Variants in ANO3 observed in about 807,000 individuals in gnomAD.
ANO3 encodes anoctamin 3, also known as anoctamin-3.
Under a neutral mutation model 144.8 loss-of-function variants are expected in ANO3, and 99 were observed. That is an observed-to-expected ratio of 0.68 (90% confidence interval 0.58 to 0.81). The LOEUF (loss-of-function observed/expected upper bound fraction) is 0.81, where lower values mean the gene tolerates loss of function less well. Ranked by LOEUF, ANO3 falls within the 30% of genes least tolerant of loss-of-function variation. The pLI, the probability that ANO3 is intolerant of heterozygous loss-of-function variation, is 0.00. For missense variants in ANO3, 905 were observed against 1,202.2 expected, an observed-to-expected ratio of 0.75 and a Z score of 3.66; for synonymous variants, 414 against 392.6, an observed-to-expected ratio of 1.05 and a Z score of -0.64.
At chr11:26,658,526 C>T (rs747951143) in intron 26 of ANO3, among the ~76,000 whole-genome samples, 3 of 152,000 alleles carry the variant, frequency 2.0e-5, no homozygotes, top group Non-Finnish European at 4.4e-5. Flanking sequence ...AGGATAATCA[C>T]TTGAACCCAG....
At chr11:26,510,862 A>G (rs368846519) in intron 5 of ANO3, among the ~76,000 whole-genome samples, 1 of 152,182 alleles carries the variant, frequency 6.6e-6, no homozygotes, top group Non-Finnish European at 1.5e-5. Context: ...TAGTCATCCA[A>G]AAAGGGTCCT....
Position 26,299,385 on chromosome 11 carries a change from G to A in ANO3, c.155-10260G>A, listed in dbSNP as rs532446460. On this transcript the variant is annotated intron_variant, in intron 1 of 27. Coordinates refer to the ANO3 transcript ENST00000672621. ...TGACAGTCTTAGTGAAGTGATAAGA[G>A]GAAAATAAATAAATACTGTAGAGGA... Among the ~76,000 whole-genome samples the A allele has an allele frequency of 3.7e-4, 57 of 152,218 alleles. 2 individuals carry two copies. The South Asian group carries it at 0.012, about 31-fold the overall frequency.
chr11:26,586,258 T>C (rs1486565383), intron 14 of ANO3, among the ~76,000 whole-genome samples: 1 of 152,018 alleles, frequency 6.6e-6, no homozygotes, highest in Non-Finnish European at 1.5e-5. Flanking sequence ...TATTGAAATA[T>C]GTAAATCCCC....
intron 1 of ANO3, among the ~76,000 whole-genome samples, chr11:26,266,866 G>A (rs1281459096): frequency 6.6e-6 from 1 of 151,438 alleles, no homozygotes; most frequent in African/African-American, 2.4e-5. Flanking sequence ...CGGATCACGA[G>A]GTCAGGAGAT....
At chr11:26,631,387 A>G (rs1346568830) in intron 18 of ANO3, among the ~76,000 whole-genome samples, 1 of 152,116 alleles carries the variant, frequency 6.6e-6, no homozygotes, top group African/African-American at 2.4e-5. Context: ...CAATATTTAT[A>G]CATTAAAAAT....
chr11:26,251,868 C>A (rs1852936004), intron 1 of ANO3, among the ~76,000 whole-genome samples: 1 of 152,150 alleles, frequency 6.6e-6, no homozygotes. Flanking sequence ...GGGAAACTGC[C>A]CCCTTGATCC....
At chr11:26,300,842 C>G (rs529384196) in intron 1 of ANO3, among the ~76,000 whole-genome samples, 2 of 147,814 alleles carry the variant, frequency 1.4e-5, no homozygotes, top group Admixed American at 1.4e-4. Flanking sequence ...TTATTTATTT[C>G]TTTCTTTTTT....
chr11:26,555,093 A>G (rs1850046601), intron 13 of ANO3, among the ~76,000 whole-genome samples: 1 of 152,214 alleles, frequency 6.6e-6, no homozygotes, highest in African/African-American at 2.4e-5. Context: ...TCTTGAATGA[A>G]GAACATGTGA....
chr11:26,495,148 A>AGGCTGG (rs1480319534), intron 4 of ANO3, among the ~76,000 whole-genome samples: 1 of 151,638 alleles, frequency 6.6e-6, no homozygotes, highest in African/African-American at 2.4e-5. Flanking sequence ...TTTGTCATCC[A>AGGCTGG]GGCTGGAGTA....
intron 17 of ANO3, among the ~76,000 whole-genome samples, chr11:26,608,118 G>A (rs760495197): frequency 1.2e-4 from 19 of 152,160 alleles, no homozygotes; most frequent in Non-Finnish European, 2.2e-4. Flanking sequence ...TGGGGTTTTT[G>A]TAGGGACTTT....
intron 1 of ANO3, among the ~76,000 whole-genome samples, chr11:26,244,118 A>AC (rs1243311313): frequency 7.1e-6 from 1 of 139,994 alleles, no homozygotes; most frequent in Non-Finnish European, 1.6e-5. Context: ...CTCTGTCTGA[A>AC]AAAAAAAAAA....
In ANO3 at chr11:26,470,503, G is replaced by C. The variant is rs573793373; in HGVS notation, c.432+7355G>C. Among the ~76,000 whole-genome samples the C allele has an allele frequency of 2.0e-5, 3 of 151,758 alleles. No individual in the cohort carries two copies. In the South Asian group the frequency reaches 6.2e-4, roughly 32 times the overall value. On this transcript the variant is annotated intron_variant, in intron 4 of 26. Coordinates refer to ENST00000256737, the MANE Select transcript of ANO3 (RefSeq NM_031418.4). The stretch of plus-strand genomic sequence containing the variant: ...TTCTCACATTGTAATTTGTGGTGGG[G>C]GAGGACCACTTCCAGAGTCAAGAGT...
At chr11:26,226,347 A>C (rs2133797541) in intron 1 of ANO3, among the ~76,000 whole-genome samples, 1 of 152,216 alleles carries the variant, frequency 6.6e-6, no homozygotes, top group South Asian at 2.1e-4. Flanking sequence ...CTATTACATT[A>C]TTTAAAAAAT....
chr11:26,484,290 G>A (rs1242839369), intron 4 of ANO3, among the ~76,000 whole-genome samples: 1 of 152,156 alleles, frequency 6.6e-6, no homozygotes, highest in Non-Finnish European at 1.5e-5. Flanking sequence ...GAAACCCAGT[G>A]TTATTGCCAA....
At chr11:26,226,149 T>C (rs985116482) in intron 1 of ANO3, among the ~76,000 whole-genome samples, 2 of 152,078 alleles carry the variant, frequency 1.3e-5, no homozygotes, top group African/African-American at 4.8e-5. Flanking sequence ...TTCTGGACAC[T>C]ACAAATTTAT....
At chr11:26,531,156 G>A (rs201915588) in intron 7 of ANO3, 49 bp from the exon 8 acceptor site, 173 of 1,603,586 alleles carry the variant, frequency 1.1e-4, no homozygotes, top group Middle Eastern at 1.7e-4. Flanking sequence ...AGGTAGTCAT[G>A]GCTTTGGAAT....
At chr11:26,353,125 G>A (rs970491469) in intron 1 of ANO3, among the ~76,000 whole-genome samples, 2 of 152,168 alleles carry the variant, frequency 1.3e-5, no homozygotes, top group South Asian at 2.1e-4. Context: ...CTTTAATCAC[G>A]AGGTGGAATA....
chr11:26,262,158 T>G (rs1214740601), intron 1 of ANO3, among the ~76,000 whole-genome samples: 2 of 152,230 alleles, frequency 1.3e-5, no homozygotes, highest in African/African-American at 4.8e-5. Context: ...AGCTTACGTT[T>G]AGAACATTAT....
intron 24 of ANO3, among the ~76,000 whole-genome samples, chr11:26,651,816 A>C (rs1853542437): frequency 6.6e-6 from 1 of 152,220 alleles, no homozygotes; most frequent in African/African-American, 2.4e-5. Context: ...GAAGTTACTT[A>C]GTCCCTTTAA....
Sources: gnomAD v4.1 joint callset for allele counts (sites outside exome capture counted in the v4.1 genomes callset) on GRCh38, gnomAD v4.1.1 for gene constraint, MANE v1.5 for transcripts, NCBI Gene and HGNC (gene_info 2026-07-23, HGNC 2026-07-21) for gene names.